The following IMMP2L variants were observed in gnomAD, a reference collection of about 807,000 sequenced individuals.
The protein encoded by IMMP2L is inner mitochondrial membrane peptidase subunit 2.
A neutral mutation model predicts 19.3 loss-of-function variants in IMMP2L; 18 were observed. The ratio of observed to expected loss-of-function variants is 0.93; its 90% CI spans 0.64 to 1.38. The LOEUF (loss-of-function observed/expected upper bound fraction) is 1.38, where lower values mean the gene tolerates loss of function less well. Ranked by LOEUF, IMMP2L falls within the 40% of genes most tolerant of loss-of-function variation. IMMP2L has a pLI of 0.00. For missense variants in IMMP2L, 233 were observed against 218.2 expected, an observed-to-expected ratio of 1.07 and a Z score of -0.43; for synonymous variants, 76 against 73.0, an observed-to-expected ratio of 1.04 and a Z score of -0.21.
intron 3 of IMMP2L, among the ~76,000 whole-genome samples, chr7:111,042,504 G>C (rs193223597): frequency 6.6e-6 from 1 of 152,274 alleles, no homozygotes; most frequent in East Asian, 1.9e-4. Flanking sequence ...TTTATCTTGT[G>C]CAAGGGTTAA....
intron 3 of IMMP2L, among the ~76,000 whole-genome samples, chr7:111,048,517 T>C (rs1792673108): frequency 1.3e-5 from 2 of 152,086 alleles, no homozygotes; most frequent in African/African-American, 2.4e-5. Context: ...GAGGTACATA[T>C]TGTACCTTAA....
intron 4 of IMMP2L, among the ~76,000 whole-genome samples, chr7:110,916,158 T>A (rs940022792): frequency 6.6e-6 from 1 of 152,198 alleles, no homozygotes; most frequent in Non-Finnish European, 1.5e-5. Flanking sequence ...CTTCGTTGTA[T>A]GATTTAGTCA....
intron 4 of IMMP2L, among the ~76,000 whole-genome samples, chr7:110,908,567 G>A (rs1045433723): frequency 2.0e-4 from 31 of 152,256 alleles, no homozygotes; most frequent in African/African-American, 6.5e-4. Flanking sequence ...ACCATGCAGC[G>A]TGAGAAAGTT....
intron 3 of IMMP2L, among the ~76,000 whole-genome samples, chr7:111,256,424 G>C (rs1035093937): frequency 3.9e-5 from 6 of 151,962 alleles, no homozygotes; most frequent in African/African-American, 7.2e-5. Context: ...CACTGTGTAA[G>C]ATAATACATG....
intron 4 of IMMP2L, chr7:110,962,918 TTTA>T: frequency 7.1e-7 from 1 of 1,401,686 alleles, no homozygotes; most frequent in Non-Finnish European, 9.2e-7. Flanking sequence ...CCACACAGTA[TTTA>T]CTTGCTGAAT....
intron 3 of IMMP2L, among the ~76,000 whole-genome samples, chr7:111,027,418 A>G (rs1826957732): frequency 6.6e-6 from 1 of 152,162 alleles, no homozygotes; most frequent in East Asian, 1.9e-4. Context: ...ACTGAATTTC[A>G]CAGATAAAAT....
At chr7:110,700,022 G>A (rs977929548) in intron 5 of IMMP2L, among the ~76,000 whole-genome samples, 1 of 152,072 alleles carries the variant, frequency 6.6e-6, no homozygotes, top group African/African-American at 2.4e-5. Context: ...AATAAGCTTG[G>A]AAATGGATTC....
At chr7:111,501,282 A>G (rs1243139495) in intron 2 of IMMP2L, among the ~76,000 whole-genome samples, 2 of 152,144 alleles carry the variant, frequency 1.3e-5, no homozygotes, top group Non-Finnish European at 2.9e-5. Flanking sequence ...AAAAAAGAAT[A>G]AAAAGAAACA....
intron 3 of IMMP2L, among the ~76,000 whole-genome samples, chr7:111,436,532 C>T (rs1029682022): frequency 6.6e-6 from 1 of 151,700 alleles, no homozygotes; most frequent in Admixed American, 6.6e-5. Context: ...TACACACACA[C>T]ACACACACCC....
chr7:111,500,088 A>G (rs1237385070), intron 2 of IMMP2L, among the ~76,000 whole-genome samples: 2 of 152,038 alleles, frequency 1.3e-5, no homozygotes, highest in African/African-American at 4.8e-5. Context: ...CACCTGGAAA[A>G]TCGGGTCACT....
intron 3 of IMMP2L, among the ~76,000 whole-genome samples, chr7:111,201,233 T>A (rs1406474056): frequency 6.7e-6 from 1 of 149,544 alleles, no homozygotes; most frequent in Non-Finnish European, 1.5e-5. Context: ...TACTATATAA[T>A]GAAAATCGAT....
intron 3 of IMMP2L, among the ~76,000 whole-genome samples, chr7:110,989,928 T>G (rs17158226): frequency 0.12 from 18,557 of 152,070 alleles, 1,391 homozygotes; most frequent in South Asian, 0.23. Context: ...GTATTTACTA[T>G]TAAGCTATGT....
intron 1 of IMMP2L, among the ~76,000 whole-genome samples, chr7:111,559,662 A>G (rs1585699611): frequency 6.6e-6 from 1 of 152,192 alleles, no homozygotes; most frequent in Non-Finnish European, 1.5e-5. Context: ...GCTTTCCACA[A>G]TCAAAAGGAA....
At chr7:111,315,552 T>C (rs943670785) in intron 3 of IMMP2L, among the ~76,000 whole-genome samples, 1 of 152,106 alleles carries the variant, frequency 6.6e-6, no homozygotes, top group Non-Finnish European at 1.5e-5. Context: ...CAATTATCTG[T>C]GCACACAATG....
At chr7:111,061,458 T>C (rs1794006422) in intron 3 of IMMP2L, among the ~76,000 whole-genome samples, 1 of 152,158 alleles carries the variant, frequency 6.6e-6, no homozygotes, top group Admixed American at 6.5e-5. Context: ...GGTGAATTTA[T>C]GAATTCAGAG....
rs866064870 is a variant in IMMP2L, at chr7:111,232,389, T to A, written c.239+254849A>T. 3.1e-3 allele frequency among the ~76,000 whole-genome samples: 469 copies of A among 150,732 alleles called. 1 individual carries two copies. Among genetic ancestry groups the A allele is most frequent in the African/African-American group, 0.011 (443 of 41,036 alleles). Reference sequence around the variant, plus strand: ...TTTTGGAGGGTTTTTTTTTTTTTTTTAAGAAAAACATTTAGGTATGTGTGA... The same window carrying A: ...TTTTGGAGGGTTTTTTTTTTTTTTTAAAGAAAAACATTTAGGTATGTGTGA... On this transcript the variant is annotated intron_variant, in intron 3 of 5. Transcript: ENST00000405709.
chr7:110,733,604 A>G (rs377124979), intron 5 of IMMP2L, among the ~76,000 whole-genome samples: 5 of 152,158 alleles, frequency 3.3e-5, no homozygotes, highest in African/African-American at 1.2e-4. Context: ...ATAAACTTAA[A>G]AATGTGAATG....
intron 4 of IMMP2L, among the ~76,000 whole-genome samples, chr7:110,909,762 C>T (rs1214037209): frequency 1.3e-5 from 2 of 152,128 alleles, no homozygotes; most frequent in African/African-American, 2.4e-5. Context: ...TCTCTATCCT[C>T]TACCTACAGT....
rs538497249 is a variant in IMMP2L, at chr7:111,264,513, T to C, written c.239+222725A>G. Among the ~76,000 whole-genome samples, 6 of 151,946 alleles carry C rather than the reference T, an allele frequency of 3.9e-5. No individual in the cohort carries two copies. In the South Asian group the frequency reaches 1.2e-3, roughly 32 times the overall value. On this transcript the variant is annotated intron_variant, in intron 3 of 5. Coordinates refer to ENST00000405709, the MANE Select transcript of IMMP2L (RefSeq NM_032549.4). Reference sequence around the variant, plus strand: ...ACTAATTGTCTAAGCAAGATTTTCTTTTTTTTTAGGTTTTCGCCCAACAGG... The same window carrying C: ...ACTAATTGTCTAAGCAAGATTTTCTCTTTTTTTAGGTTTTCGCCCAACAGG...
Sources: gnomAD v4.1 joint callset for allele counts (sites outside exome capture counted in the v4.1 genomes callset) on GRCh38, gnomAD v4.1.1 for gene constraint, MANE v1.5 for transcripts, NCBI Gene and HGNC (gene_info 2026-07-23, HGNC 2026-07-21) for gene names.